SUMF1: variants seen among roughly 807,000 people sequenced by gnomAD.
The protein encoded by SUMF1 is formylglycine-generating enzyme.
Under a neutral mutation model 47.6 loss-of-function variants are expected in SUMF1, and 48 were observed. The ratio of observed to expected loss-of-function variants is 1.01; its 90% CI spans 0.80 to 1.28. The LOEUF is 1.28. Among genes scored for constraint, SUMF1 ranks in the 50% most tolerant of loss-of-function variants. The pLI is 0.00. For missense variants in SUMF1, 571 were observed against 485.4 expected, an observed-to-expected ratio of 1.18 and a Z score of -1.66; for synonymous variants, 230 against 192.1, an observed-to-expected ratio of 1.20 and a Z score of -1.63.
At chr3:4,369,297 T>C (rs1700095588) in intron 8 of SUMF1, among the ~76,000 whole-genome samples, 2 of 152,328 alleles carry the variant, frequency 1.3e-5, no homozygotes, top group South Asian at 4.1e-4. Flanking sequence ...TAAAGTGTGC[T>C]TGAAATAATT....
At chr3:4,222,387 T>A (rs888111985) in intron 8 of SUMF1, among the ~76,000 whole-genome samples, 4 of 152,030 alleles carry the variant, frequency 2.6e-5, no homozygotes, top group African/African-American at 9.7e-5. Context: ...TTCTCATCAT[T>A]ATTTTTCTGT....
At chr3:4,335,252 A>T (rs1000945211) in intron 8 of SUMF1, among the ~76,000 whole-genome samples, 3 of 152,018 alleles carry the variant, frequency 2.0e-5, no homozygotes, top group Non-Finnish European at 4.4e-5. Context: ...ACTTCTCATC[A>T]CTCTCAGGAT....
At chr3:4,368,346 G>T (rs1302340427) in intron 8 of SUMF1, among the ~76,000 whole-genome samples, 5 of 152,238 alleles carry the variant, frequency 3.3e-5, no homozygotes, top group African/African-American at 7.2e-5. Context: ...AACAGGTGCT[G>T]GAGAGGATGT....
rs770934304 is a variant in SUMF1 at position 4,420,048 on chromosome 3, G to A, written c.602+16C>T. Reference sequence around the variant, plus strand: ...CAATGGAACTTGTCAACTGGGGAAAGAGGGACCAGCCTCACCTGTGCAGAA... The same window carrying A: ...CAATGGAACTTGTCAACTGGGGAAAAAGGGACCAGCCTCACCTGTGCAGAA... On this transcript the variant is annotated intron_variant, in intron 4 of 8. Transcript: ENST00000272902. 6.2e-6 allele frequency: 10 copies of A among 1,612,672 alleles called. No homozygotes were observed. The East Asian group carries it at 2.0e-4, about 32-fold the overall frequency.
chr3:4,057,378 G>C (rs992718221), intron 9 of SUMF1, among the ~76,000 whole-genome samples: 1 of 130,032 alleles, frequency 7.7e-6, no homozygotes. Context: ...GTTTGCTCAT[G>C]ATAAGGGACT....
At chr3:4,204,499 G>A (rs958160800) in intron 8 of SUMF1, among the ~76,000 whole-genome samples, 9 of 151,986 alleles carry the variant, frequency 5.9e-5, no homozygotes, top group Non-Finnish European at 1.2e-4. Context: ...TAACCTTCTT[G>A]TGCTTGAATA....
At chr3:4,331,321 T>A (rs1699048174) in intron 8 of SUMF1, among the ~76,000 whole-genome samples, 1 of 148,928 alleles carries the variant, frequency 6.7e-6, no homozygotes, top group Admixed American at 6.6e-5. Context: ...CAAAAACATG[T>A]CCTACTTCCC....
At chr3:4,342,237 T>C (rs1461761048) in intron 8 of SUMF1, among the ~76,000 whole-genome samples, 1 of 152,212 alleles carries the variant, frequency 6.6e-6, no homozygotes, top group Non-Finnish European at 1.5e-5. Flanking sequence ...TCATCGTTGT[T>C]GTTTTTAAAA....
chr3:4,462,541 TCTTTTTTTCA>T (rs1332089323), intron 1 of SUMF1, among the ~76,000 whole-genome samples: 1 of 152,214 alleles, frequency 6.6e-6, no homozygotes, highest in African/African-American at 2.4e-5. Flanking sequence ...GCCAGTCTTG[TCTTTTTTTCA>T]CTTGCTACCG....
At chr3:4,318,836 G>C (rs1698753892) in intron 8 of SUMF1, among the ~76,000 whole-genome samples, 1 of 151,700 alleles carries the variant, frequency 6.6e-6, no homozygotes, top group African/African-American at 2.4e-5. Flanking sequence ...TGAACCTGGG[G>C]TGGAGGTTAC....
chr3:4,240,699 A>T (rs1309222940), intron 8 of SUMF1, among the ~76,000 whole-genome samples: 1 of 152,038 alleles, frequency 6.6e-6, no homozygotes, highest in African/African-American at 2.4e-5. Context: ...CCCATTTCAT[A>T]AAATGTTATA....
chr3:4,186,674 C>T (rs1364672352), intron 8 of SUMF1, among the ~76,000 whole-genome samples: 3 of 151,888 alleles, frequency 2.0e-5, no homozygotes, highest in African/African-American at 7.3e-5. Flanking sequence ...TTTATTATAC[C>T]CAAATTTTGG....
chr3:4,353,813 C>T (rs1033944310), intron 8 of SUMF1, among the ~76,000 whole-genome samples: 5 of 152,106 alleles, frequency 3.3e-5, no homozygotes, highest in South Asian at 4.1e-4. Context: ...CTGTCTGCCA[C>T]ATCCTGAACC....
chr3:4,328,539 T>G (rs757264137), intron 8 of SUMF1, among the ~76,000 whole-genome samples: 1 of 152,078 alleles, frequency 6.6e-6, no homozygotes, highest in Non-Finnish European at 1.5e-5. Flanking sequence ...AATCATCAGA[T>G]CTCATGAGAC....
Position 4,347,701 on chromosome 3 carries a change from A to G in SUMF1, c.1014+28629T>C, listed in dbSNP as rs539131764. ...TGGCCATGGCAATCAGGCAAGAGAA[A>G]GAAATAAAGGGTATTCAATAGGAAG... is the stretch of plus-strand genomic sequence containing the variant. On this transcript the variant is annotated intron_variant and NMD_transcript_variant, in intron 8 of 12. Coordinates refer to the SUMF1 transcript ENST00000448413. Among the ~76,000 whole-genome samples, 4 of 152,304 alleles carry G rather than the reference A, an allele frequency of 2.6e-5. No homozygotes were observed. The South Asian group carries it at 8.3e-4, about 32-fold the overall frequency.
At chr3:4,246,079 G>C (rs1001332004) in intron 8 of SUMF1, among the ~76,000 whole-genome samples, 1 of 152,178 alleles carries the variant, frequency 6.6e-6, no homozygotes, top group Non-Finnish European at 1.5e-5. Flanking sequence ...GTACGGGAGG[G>C]AATCTCCTGG....
At chr3:4,428,822 CCATTA>C (rs1383195573) in intron 3 of SUMF1, among the ~76,000 whole-genome samples, 2 of 152,128 alleles carry the variant, frequency 1.3e-5, no homozygotes, top group Non-Finnish European at 2.9e-5. Context: ...ATTCATCATT[CCATTA>C]CAAATTTTAT....
rs1197103547 is a variant in SUMF1, at chr3:4,388,841, A to G, written c.955-12452T>C. Among the ~76,000 whole-genome samples, 4 of 152,222 alleles carry G rather than the reference A, an allele frequency of 2.6e-5. No individual in the cohort carries two copies. The East Asian group carries it at 7.7e-4, about 29-fold the overall frequency. On this transcript the variant is annotated intron_variant, in intron 7 of 8. Coordinates refer to ENST00000272902, the MANE Select transcript of SUMF1 (RefSeq NM_182760.4). ...TGTATCAGTCTACTCATGTCATTTT[A>G]ACAGTTCCAGTGAAGCATCAAAACC...
At chr3:4,209,517 A>G (rs1425750418) in intron 8 of SUMF1, among the ~76,000 whole-genome samples, 1 of 152,154 alleles carries the variant, frequency 6.6e-6, no homozygotes, top group Non-Finnish European at 1.5e-5. Flanking sequence ...TTTAAAATTA[A>G]ACTTTATCAC....
Sources: gnomAD v4.1 joint callset for allele counts (sites outside exome capture counted in the v4.1 genomes callset) on GRCh38, gnomAD v4.1.1 for gene constraint, MANE v1.5 for transcripts, NCBI Gene and HGNC (gene_info 2026-07-23, HGNC 2026-07-21) for gene names.